The following GK2 variants were observed in gnomAD, a reference collection of about 807,000 sequenced individuals.
GK2 encodes the protein ATP:glycerol 3-phosphotransferase 2.
A neutral mutation model predicts 9.5 loss-of-function variants in GK2; 10 were observed. The observed-to-expected ratio is 1.05, with a 90% confidence interval of 0.65 to 1.78. The LOEUF (loss-of-function observed/expected upper bound fraction) is 1.78. Ranked by LOEUF, GK2 falls within the 40% of genes most tolerant of loss-of-function variation. The probability of loss-of-function intolerance (pLI) is 0.00; values close to 1 mark genes in which losing one functional copy is unlikely to be tolerated. For missense variants in GK2, 643 were observed against 669.0 expected (o/e 0.96, Z 0.43); for synonymous variants, 228 against 229.9 (o/e 0.99, Z 0.07).
Position 79,407,324 on chromosome 4 carries a change from A to G in GK2, c.877T>C (p.Cys293Arg). The G allele has an allele frequency of 6.2e-7, 1 of 1,614,154 alleles. No individual in the cohort carries two copies. The highest frequency in any genetic ancestry group is 1.3e-5 in the African/African-American group (1 of 75,018). The change falls in exon 1 of 1, where the codon TGT becomes CGT. Residue 293 changes from cysteine to arginine, a missense_variant. Cys to Arg is a radical substitution (Grantham distance 180). Transcript: ENST00000358842. ...AAAAGGCCATGTTCAGAAAACACACATTTACGACCCGTATTACACAGTAAG... is the reference window on the plus strand; with the variant it reads ...AAAAGGCCATGTTCAGAAAACACACGTTTACGACCCGTATTACACAGTAAG... ...CFLLCNTGRKCVFSEHGLLTT... is the reference protein window; with the variant it reads ...CFLLCNTGRKRVFSEHGLLTT...
Position 79,406,988 on chromosome 4 carries a change from G to T in GK2, c.1213C>A (p.Arg405=). The change falls in exon 1 of 1, where the codon CGA becomes AGA. Residue 405 remains arginine, a synonymous_variant. Coordinates refer to ENST00000358842, the MANE Select transcript of GK2 (RefSeq NM_033214.3). The part of the protein sequence containing the change: ...AALEAVCFQT[R]EILEAMNRDC... ...CGGTTCATGGCTTCCAAAATCTCTCGGGTTTGGAAACAAACAGCTTCTAAT... is the reference window on the plus strand; with the variant it reads ...CGGTTCATGGCTTCCAAAATCTCTCTGGTTTGGAAACAAACAGCTTCTAAT... 6.2e-7 allele frequency: 1 copy of T among 1,614,042 alleles called. No individual in the cohort carries two copies. The highest frequency in any genetic ancestry group is 1.6e-4 in the Middle Eastern group (1 of 6,062).
rs140956192 is a variant in GK2 at position 79,406,942 on chromosome 4, C to G, written c.1259G>C (p.Arg420Pro). Residue 420 changes from arginine (R) to proline (P), a missense_variant, in exon 1 of 1, where the codon CGT becomes CCT. By Grantham distance (103) the Arg-to-Pro change is moderately radical. Coordinates refer to ENST00000358842, the MANE Select transcript of GK2 (RefSeq NM_033214.3). Reference sequence around the variant, plus strand: ...CATTCCTCCATCTACCTGCAAATGACGAAGTGGAATTCCACAGTCACGGTT... The same window carrying G: ...CATTCCTCCATCTACCTGCAAATGAGGAAGTGGAATTCCACAGTCACGGTT... ...AMNRDCGIPL[R>P]HLQVDGGMTN... The G allele has an allele frequency of 3.5e-5, 56 of 1,614,070 alleles. No individual in the cohort carries two copies. Among genetic ancestry groups the G allele is most frequent in the Non-Finnish European group, 4.7e-5 (55 of 1,180,042 alleles).
chr4:79,407,221 G>A lies in GK2; in HGVS notation c.980C>T (p.Ala327Val). The A allele has an allele frequency of 6.2e-7, 1 of 1,614,140 alleles. No homozygotes were observed. The highest frequency in any genetic ancestry group is 8.5e-7 in the Non-Finnish European group (1 of 1,180,008). The change falls in exon 1 of 1, where the codon GCT becomes GTT. Residue 327 changes from alanine (A) to valine (V), a missense_variant. Transcript: ENST00000358842. ...ATTGTCTCTTAGCCAACGAATAACA[G>A]CACCTGCTATAGCAACAGAACCTTC... ...ALEGSVAIAG[A>V]VIRWLRDNLG...
In GK2 at chr4:79,407,647, C is replaced by T. The variant is rs1314694177; in HGVS notation, c.554G>A (p.Ser185Asn). 2 of 1,614,108 alleles carry T rather than the reference C, an allele frequency of 1.2e-6. No homozygotes were observed. The highest frequency in any genetic ancestry group is 2.7e-5 in the African/African-American group (2 of 74,938). The change falls in exon 1 of 1, where the codon AGT (serine) becomes AAT (asparagine). Residue 185 changes from serine (S) to asparagine (N), a missense_variant. By Grantham distance (46) the Ser-to-Asn change is conservative. Coordinates refer to ENST00000358842, the MANE Select transcript of GK2 (RefSeq NM_033214.3). ...GCCTCCATTAACTCCTCCTGTCAAACTCCAGATAAGCCATGAATCAATGGT... is the reference window on the plus strand; with the variant it reads ...GCCTCCATTAACTCCTCCTGTCAAATTCCAGATAAGCCATGAATCAATGGT... ...FGTIDSWLIW[S>N]LTGGVNGGVH... is the part of the protein sequence containing the mutation.
chr4:79,406,768 GCCTGGGGTT>G lies in GK2; in HGVS notation c.1424_1432del (p.Glu475_Gln477del). On this transcript the variant is annotated inframe_deletion, in exon 1 of 1. Coordinates refer to ENST00000358842, the MANE Select transcript of GK2 (RefSeq NM_033214.3). ...TCGTTCCATCCTGAGAACTGACAAAGCCTGGGGTTCAAGGCTCCAAACGCTTACTCCCTC... is the reference window on the plus strand; with the variant it reads ...TCGTTCCATCCTGAGAACTGACAAAGCAAGGCTCCAAACGCTTACTCCCTC... 6.2e-7 allele frequency: 1 copy of G among 1,614,176 alleles called. No individual in the cohort carries two copies. Among genetic ancestry groups the G allele is most frequent in the Non-Finnish European group, 8.5e-7 (1 of 1,180,022 alleles).
In GK2 at chr4:79,408,105, T is replaced by C; in HGVS notation, c.96A>G (p.Thr32=). 1 of 1,614,236 alleles carries C rather than the reference T, an allele frequency of 6.2e-7. No homozygotes were observed. Among genetic ancestry groups the C allele is most frequent in the South Asian group, 1.1e-5 (1 of 91,084 alleles). ...STRFLVFNSK[T]AELLSHHKVE... ...CTTTGTGATGACTAAGTAGTTCCGC[T>C]GTTTTTGAATTGAAAACCAGAAAGC... The change falls in exon 1 of 1, where the codon ACA becomes ACG. Residue 32 remains threonine, a synonymous_variant. Coordinates refer to ENST00000358842, the MANE Select transcript of GK2 (RefSeq NM_033214.3).
In GK2 at chr4:79,406,485, A is replaced by C. The variant is rs919963814; in HGVS notation, c.*54T>G. 37 of 1,061,262 alleles carry C rather than the reference A, an allele frequency of 3.5e-5. 2 individuals are homozygous for C. In the South Asian group the frequency reaches 4.0e-4, roughly 12 times the overall value. The allele number at this position is 1,061,262 out of a possible 1,614,324, so 65.7% of individuals were successfully genotyped here. ...CATTATATTAAGAGGCAGAACTGCT[A>C]TATGCTTTCATTATGTAAAATGTTT... On this transcript the variant is annotated 3_prime_UTR_variant, in exon 1 of 1. Coordinates refer to ENST00000358842, the MANE Select transcript of GK2 (RefSeq NM_033214.3).
rs1215333064 is a variant in GK2 at position 79,407,979 on chromosome 4, T to C, written c.222A>G (p.Lys74=). The C allele has an allele frequency of 9.3e-6, 15 of 1,614,076 alleles. No homozygotes were observed. The highest frequency in any genetic ancestry group is 1.3e-5 in the Non-Finnish European group (15 of 1,180,012). The stretch of plus-strand genomic sequence containing the variant: ...ATATATCAATATTCAGTTCGTCAAG[T>C]TTCTCACACGTTCTCGCTATACACT... The part of the protein sequence containing the change: ...VYECIARTCE[K]LDELNIDISN... Residue 74 remains lysine, a synonymous_variant, in exon 1 of 1, where the codon AAA becomes AAG. Transcript: ENST00000358842.
chr4:79,408,170 G>T lies in GK2; in HGVS notation c.31C>A (p.Pro11Thr). The change falls in exon 1 of 1, where the codon CCG becomes ACG. Residue 11 changes from proline (P) to threonine (T), a missense_variant. Transcript: ENST00000358842. Reference protein sequence around the residue: MAAPKTAAVGPLVGAVVQGTN... With the variant: MAAPKTAAVGTLVGAVVQGTN... ...CCCTGGACCACCGCTCCCACCAACG[G>T]CCCCACAGCTGCTGTCTTTGGGGCT... 6.2e-7 allele frequency: 1 copy of T among 1,606,178 alleles called. No homozygotes were observed. The highest frequency in any genetic ancestry group is 1.1e-5 in the South Asian group (1 of 89,942).
Position 79,408,044 on chromosome 4 carries a change from C to T in GK2, c.157G>A (p.Val53Met), listed in dbSNP as rs1725894525. The T allele has an allele frequency of 6.2e-6, 10 of 1,614,222 alleles. No individual in the cohort carries two copies. Among genetic ancestry groups the T allele is most frequent in the Non-Finnish European group, 7.6e-6 (9 of 1,180,036 alleles). The change falls in exon 1 of 1, where the codon GTG (valine) becomes ATG (methionine). Residue 53 changes from valine (V) to methionine (M), a missense_variant. Val to Met is a conservative substitution (Grantham distance 21). Transcript: ENST00000358842. ...LTQEFPKEGWVEQDPKEILQS... is the reference protein window; with the variant it reads ...LTQEFPKEGWMEQDPKEILQS... ...AGAATTTCTTTAGGGTCTTGTTCCA[C>T]CCATCCTTCTTTTGGGAACTCTTGT...
At position 79,407,414 on chromosome 4, in the gene GK2, C is replaced by A; in HGVS notation, c.787G>T (p.Ala263Ser). 2 of 1,614,144 alleles carry A rather than the reference C, an allele frequency of 1.2e-6. No homozygotes were observed. Among genetic ancestry groups the A allele is most frequent in the Non-Finnish European group, 1.7e-6 (2 of 1,180,022 alleles). Residue 263 changes from alanine (A) to serine (S), a missense_variant, in exon 1 of 1, where the codon GCA becomes TCA. Coordinates refer to ENST00000358842, the MANE Select transcript of GK2 (RefSeq NM_033214.3). ...ISGCLGDQCA[A>S]LVGQMCFQEG... ...TGGAAGCACATTTGTCCTACTAATGCAGCACATTGGTCCCCCAAACACCCA... is the reference window on the plus strand; with the variant it reads ...TGGAAGCACATTTGTCCTACTAATGAAGCACATTGGTCCCCCAAACACCCA...
In GK2 at chr4:79,407,962, A is replaced by G. The variant is rs1448692734; in HGVS notation, c.239T>C (p.Ile80Thr). 3 of 1,614,106 alleles carry G rather than the reference A, an allele frequency of 1.9e-6. No individual in the cohort carries two copies. In the South Asian group the frequency reaches 3.3e-5, roughly 18 times the overall value. ...RTCEKLDELN[I>T]DISNIKAVGV... Reference sequence around the variant, plus strand: ...AACAGCTTTTATGTTGGATATATCAATATTCAGTTCGTCAAGTTTCTCACA... The same window carrying G: ...AACAGCTTTTATGTTGGATATATCAGTATTCAGTTCGTCAAGTTTCTCACA... Residue 80 changes from isoleucine (I) to threonine (T), a missense_variant, in exon 1 of 1, where the codon ATT (isoleucine) becomes ACT (threonine). By Grantham distance (89) the Ile-to-Thr change is moderately conservative. Transcript: ENST00000358842.
At position 79,407,891 on chromosome 4, in the gene GK2, T is replaced by C. The variant is rs150008758; in HGVS notation, c.310A>G (p.Thr104Ala). 6.2e-7 allele frequency: 1 copy of C among 1,614,226 alleles called. No individual in the cohort carries two copies. Among genetic ancestry groups the C allele is most frequent in the Non-Finnish European group, 8.5e-7 (1 of 1,180,026 alleles). Residue 104 changes from threonine (T) to alanine (A), a missense_variant, in exon 1 of 1, where the codon ACA becomes GCA. Thr to Ala is a moderately conservative substitution (Grantham distance 58). Transcript: ENST00000358842. Reference sequence around the variant, plus strand: ...ACAGCATTGTAGAGAGGCTCTCCTGTTAACTTGTCCCAGATTACAGTGGTT... The same window carrying C: ...ACAGCATTGTAGAGAGGCTCTCCTGCTAACTTGTCCCAGATTACAGTGGTT... ...RETTVIWDKL[T>A]GEPLYNAVVW... is the part of the protein sequence containing the mutation.
Position 79,406,534 on chromosome 4 carries a change from T to C in GK2, c.*5A>G. 3 of 1,549,476 alleles carry C rather than the reference T, an allele frequency of 1.9e-6. No individual in the cohort carries two copies. The highest frequency in any genetic ancestry group is 2.7e-6 in the Non-Finnish European group (3 of 1,122,876). Reference sequence around the variant, plus strand: ...TTACATCTTGGGACTCCATAGCTGGTATTATTATGGCACACCCGAGATATA... The same window carrying C: ...TTACATCTTGGGACTCCATAGCTGGCATTATTATGGCACACCCGAGATATA... On this transcript the variant is annotated 3_prime_UTR_variant, in exon 1 of 1. Transcript: ENST00000358842.
At position 79,407,670 on chromosome 4, in the gene GK2, G is replaced by A; in HGVS notation, c.531C>T (p.Thr177=). Residue 177 remains threonine, a synonymous_variant, in exon 1 of 1, where the codon ACC becomes ACT. Transcript: ENST00000358842. ...AACTCCAGATAAGCCATGAATCAATGGTACCAAAAAGAGCTCTACCTTCTT... is the reference window on the plus strand; with the variant it reads ...AACTCCAGATAAGCCATGAATCAATAGTACCAAAAAGAGCTCTACCTTCTT... ...AVEEGRALFG[T]IDSWLIWSLT... is the part of the protein sequence containing the mutation. The A allele has an allele frequency of 6.2e-7, 1 of 1,614,134 alleles. No homozygotes were observed.
In GK2 at chr4:79,406,848, C is replaced by T. The variant is rs1426419395; in HGVS notation, c.1353G>A (p.Met451Ile). 1.1e-5 allele frequency: 17 copies of T among 1,614,178 alleles called. No individual in the cohort carries two copies. Among genetic ancestry groups the T allele is most frequent in the Non-Finnish European group, 1.4e-5 (16 of 1,180,010 alleles). The part of the protein sequence containing the change: ...ILHIPVIKPF[M>I]PETTALGAAM... ...CAGCTCCTAGTGCAGTTGTTTCAGG[C>T]ATAAAGGGTTTTATTACTGGAATAT... Residue 451 changes from methionine to isoleucine, a missense_variant, in exon 1 of 1, where the codon ATG becomes ATA. Physicochemically the swap from Met to Ile is conservative, Grantham distance 10. Coordinates refer to ENST00000358842, the MANE Select transcript of GK2 (RefSeq NM_033214.3).
chr4:79,407,405 C>T lies in GK2; in HGVS notation c.796G>A (p.Gly266Arg). Reference protein sequence around the residue: ...CLGDQCAALVGQMCFQEGQAK... With the variant: ...CLGDQCAALVRQMCFQEGQAK... Reference sequence around the variant, plus strand: ...TGTCCCTCCTGGAAGCACATTTGTCCTACTAATGCAGCACATTGGTCCCCC... The same window carrying T: ...TGTCCCTCCTGGAAGCACATTTGTCTTACTAATGCAGCACATTGGTCCCCC... The change falls in exon 1 of 1, where the codon GGA (glycine) becomes AGA (arginine). Residue 266 changes from glycine (G) to arginine (R), a missense_variant. Physicochemically the swap from Gly to Arg is moderately radical, Grantham distance 125. Transcript: ENST00000358842. The T allele has an allele frequency of 1.2e-6, 2 of 1,614,150 alleles. No individual in the cohort carries two copies. Among genetic ancestry groups the T allele is most frequent in the Non-Finnish European group, 1.7e-6 (2 of 1,180,018 alleles).
chr4:79,406,565 C>T lies in GK2; in HGVS notation c.1636G>A (p.Ala546Thr), dbSNP rs764583001. 1 of 1,610,628 alleles carries T rather than the reference C, an allele frequency of 6.2e-7. No individual in the cohort carries two copies. Among genetic ancestry groups the T allele is most frequent in the African/African-American group, 1.3e-5 (1 of 74,850 alleles). ...IVSSMVMLIG[A>T]RYISGVP is the part of the protein sequence containing the mutation. ...TATGGCACACCCGAGATATATCTTG[C>T]TCCAATTAGCATTACCATGCTACTC... is the stretch of plus-strand genomic sequence containing the variant. The change falls in exon 1 of 1, where the codon GCA (alanine) becomes ACA (threonine). Residue 546 changes from alanine to threonine, a missense_variant. By Grantham distance (58) the Ala-to-Thr change is moderately conservative. Transcript: ENST00000358842.
At position 79,407,199 on chromosome 4, in the gene GK2, G is replaced by T. The variant is rs1251517514; in HGVS notation, c.1002C>A (p.Asp334Glu). The T allele has an allele frequency of 6.2e-7, 1 of 1,614,046 alleles. No homozygotes were observed. Among genetic ancestry groups the T allele is most frequent in the African/African-American group, 1.3e-5 (1 of 74,908 alleles). ...IAGAVIRWLRDNLGIIETSGD... is the reference protein window; with the variant it reads ...IAGAVIRWLRENLGIIETSGD... ...CTGAGGTCTCTATAATTCCAAGATT[G>T]TCTCTTAGCCAACGAATAACAGCAC... Residue 334 changes from aspartate (D) to glutamate (E), a missense_variant, in exon 1 of 1, where the codon GAC (aspartate) becomes GAA (glutamate). Asp to Glu is a conservative substitution (Grantham distance 45, BLOSUM62 2). Coordinates refer to ENST00000358842, the MANE Select transcript of GK2 (RefSeq NM_033214.3).
Sources: allele counts gnomAD v4.1 joint callset, GRCh38; gene constraint gnomAD v4.1.1; transcripts MANE v1.5; gene names NCBI Gene and HGNC (gene_info 2026-07-23, HGNC 2026-07-21).